Variants in FAM120B observed in about 807,000 individuals in gnomAD.
FAM120B encodes family with sequence similarity 120 member B.
A neutral mutation model predicts 96.3 loss-of-function variants in FAM120B; 83 were observed. That is an observed-to-expected ratio of 0.86 (90% CI 0.72 to 1.03). The LOEUF is 1.03. Among genes scored for constraint, FAM120B ranks in the 50% least tolerant of loss-of-function variants. The probability of loss-of-function intolerance (pLI) is 0.00; values close to 1 mark genes in which losing one functional copy is unlikely to be tolerated. For missense variants in FAM120B, 1,027 were observed against 1,121.2 expected, an observed-to-expected ratio of 0.92 and a Z score of 1.20; for synonymous variants, 407 against 402.7, an observed-to-expected ratio of 1.01 and a Z score of -0.13.
intron 6 of FAM120B, among the ~76,000 whole-genome samples, chr6:170,380,062 G>A (rs999799445): frequency 2.0e-5 from 3 of 152,104 alleles, no homozygotes; most frequent in African/African-American, 2.4e-5. Flanking sequence ...TGTATTTGGC[G>A]TTTTCAAGAT....
intron 9 of FAM120B, among the ~76,000 whole-genome samples, chr6:170,397,485 C>T (rs1778235468): frequency 6.6e-6 from 1 of 152,062 alleles, no homozygotes; most frequent in African/African-American, 2.4e-5. Flanking sequence ...CTTGGAGGGC[C>T]CTGCAGCTCT....
intron 3 of FAM120B, among the ~76,000 whole-genome samples, chr6:170,329,723 T>C (rs1412739171): frequency 1.3e-5 from 2 of 152,192 alleles, no homozygotes; most frequent in Non-Finnish European, 2.9e-5. Context: ...ATACTCTCTT[T>C]CTTCATCTTT....
At chr6:170,347,181 T>C (rs1022047492) in intron 4 of FAM120B, among the ~76,000 whole-genome samples, 5 of 152,146 alleles carry the variant, frequency 3.3e-5, no homozygotes, top group Admixed American at 2.6e-4. Context: ...TGAGGCCGTT[T>C]GGTTAGTAGG....
chr6:170,301,369 G>T (rs1457902302), intron 1 of FAM120B, among the ~76,000 whole-genome samples: 2 of 152,254 alleles, frequency 1.3e-5, no homozygotes, highest in African/African-American at 4.8e-5. Context: ...AGAAAGGGGG[G>T]GCCTGGGCCT....
At chr6:170,361,224 A>ATATATATATATACG (rs1788405083) in intron 6 of FAM120B, among the ~76,000 whole-genome samples, 2 of 115,078 alleles carry the variant, frequency 1.7e-5, no homozygotes, top group African/African-American at 5.9e-5. Flanking sequence ...ATATATATAT[A>ATATATATATATACG]TATATATATA....
rs141673712 is a variant in FAM120B at position 170,341,634 on chromosome 6, A to G, written c.2018-6517A>G. ...CAGGGCCCTGGTGGTGTAGACACAC[A>G]AGGGAATCTTCTGATCTGCGGATTG... is the stretch of plus-strand genomic sequence containing the variant. On this transcript the variant is annotated intron_variant, in intron 4 of 10. Coordinates refer to ENST00000476287, the MANE Select transcript of FAM120B (RefSeq NM_032448.3). 0.01 allele frequency among the ~76,000 whole-genome samples: 1,568 copies of G among 152,178 alleles called. 66 individuals carry two copies. In the East Asian group the frequency reaches 0.1, roughly 10 times the overall value.
At chr6:170,314,387 A>G (rs565577065) in intron 1 of FAM120B, among the ~76,000 whole-genome samples, 5 of 152,236 alleles carry the variant, frequency 3.3e-5, no homozygotes, top group African/African-American at 4.8e-5. Flanking sequence ...GGCCTGTCCC[A>G]TGCAGATGTT....
chr6:170,403,144 C>T (rs1778669184), intron 9 of FAM120B, among the ~76,000 whole-genome samples: 1 of 152,198 alleles, frequency 6.6e-6, no homozygotes, highest in Non-Finnish European at 1.5e-5. Context: ...TTCTGCCTTC[C>T]ATGCGGAAGT....
intron 6 of FAM120B, among the ~76,000 whole-genome samples, chr6:170,381,536 C>T (rs995271601): frequency 6.6e-6 from 1 of 151,772 alleles, no homozygotes; most frequent in Non-Finnish European, 1.5e-5. Flanking sequence ...GCCAGTATTA[C>T]CCTGACACCC....
chr6:170,364,443 C>G (rs1788650100), intron 6 of FAM120B, among the ~76,000 whole-genome samples: 1 of 152,178 alleles, frequency 6.6e-6, no homozygotes, highest in Non-Finnish European at 1.5e-5. Context: ...GACTAATGCC[C>G]CTTTGAGGAA....
chr6:170,361,220 A>ACACG (rs1439242601), intron 6 of FAM120B, among the ~76,000 whole-genome samples: 2 of 110,022 alleles, frequency 1.8e-5, no homozygotes, highest in Admixed American at 9.7e-5. Context: ...ATATATATAT[A>ACACG]TATATATATA....
intron 5 of FAM120B, among the ~76,000 whole-genome samples, chr6:170,355,293 A>G (rs1159484101): frequency 6.6e-6 from 1 of 152,232 alleles, no homozygotes; most frequent in African/African-American, 2.4e-5. Context: ...ACTATTCACA[A>G]TAGCAAAGAC....
chr6:170,396,913 A>G (rs2115332485), intron 9 of FAM120B, among the ~76,000 whole-genome samples: 1 of 152,362 alleles, frequency 6.6e-6, no homozygotes, highest in Admixed American at 6.5e-5. Flanking sequence ...GCTTTGGGCC[A>G]TTGCCGCTGC....
chr6:170,341,330 G>T (rs1033488098), intron 4 of FAM120B, among the ~76,000 whole-genome samples: 5 of 152,186 alleles, frequency 3.3e-5, no homozygotes, highest in African/African-American at 1.2e-4. Context: ...CTCAGTAATG[G>T]CAGACGCCCC....
At chr6:170,294,977 TAAAG>T (rs1313086613), upstream of FAM120B, among the ~76,000 whole-genome samples, 1 of 152,102 alleles carries the variant, frequency 6.6e-6, no homozygotes, top group African/African-American at 2.4e-5. This position sits in a 1 kb window ranked among gnomAD's most constrained non-coding sequence, Gnocchi z 7.9. Context: ...TTACTTGAAA[TAAAG>T]AAGAAGAAGA....
chr6:170,365,770 G>A (rs955560664), intron 6 of FAM120B, among the ~76,000 whole-genome samples: 5 of 56,616 alleles, frequency 8.8e-5, no homozygotes, highest in Admixed American at 2.6e-4. Flanking sequence ...CTGACACCCC[G>A]CCTCCCCCAC....
chr6:170,316,058 CAAAAAAAAA>C (rs35344814), intron 1 of FAM120B, among the ~76,000 whole-genome samples: 3 of 91,836 alleles, frequency 3.3e-5, no homozygotes, highest in East Asian at 3.1e-4. Context: ...GACCCGGTCT[CAAAAAAAAA>C]AAAAAAAAAA....
intron 3 of FAM120B, among the ~76,000 whole-genome samples, chr6:170,330,100 C>G (rs1194360364): frequency 6.6e-6 from 1 of 152,152 alleles, no homozygotes; most frequent in Non-Finnish European, 1.5e-5. Flanking sequence ...TGTCCAATTC[C>G]AGCAGTTTTC....
chr6:170,398,558 T>G (rs1419227377), intron 9 of FAM120B, among the ~76,000 whole-genome samples: 1 of 138,722 alleles, frequency 7.2e-6, no homozygotes, highest in Non-Finnish European at 1.5e-5. Context: ...GTGAGAAAGG[T>G]AGAACTATGT....
Sources: allele counts gnomAD v4.1 joint callset (sites outside exome capture counted in the v4.1 genomes callset), GRCh38; gene constraint gnomAD v4.1.1; non-coding constraint Gnocchi (gnomAD v3.1); transcripts MANE v1.5; gene names NCBI Gene and HGNC (gene_info 2026-07-23, HGNC 2026-07-21).